KIAA1328: variants seen among roughly 807,000 people sequenced by gnomAD.
The protein encoded by KIAA1328 is protein hinderin.
A neutral mutation model predicts 68.1 loss-of-function variants in KIAA1328; 52 were observed. That is an observed-to-expected ratio of 0.76 (90% CI 0.61 to 0.96). KIAA1328 has a LOEUF of 0.96. Ranked by LOEUF, KIAA1328 falls within the 40% of genes least tolerant of loss-of-function variation. The probability of loss-of-function intolerance (pLI) is 0.00; values close to 1 mark genes in which losing one functional copy is unlikely to be tolerated. For synonymous variants in KIAA1328, 232 were observed against 239.4 expected (o/e 0.97, Z 0.28); for missense variants, 641 against 677.6 (o/e 0.95, Z 0.60).
intron 5 of KIAA1328, among the ~76,000 whole-genome samples, chr18:36,918,065 T>G (rs1035383199): frequency 6.6e-6 from 1 of 152,090 alleles, no homozygotes; most frequent in Non-Finnish European, 1.5e-5. Flanking sequence ...GTGAGACGAC[T>G]TCATCATTAC....
chr18:37,064,178 G>A (rs2056257684), intron 6 of KIAA1328, among the ~76,000 whole-genome samples: 1 of 152,154 alleles, frequency 6.6e-6, no homozygotes, highest in African/African-American at 2.4e-5. Context: ...TCTGTTTGCT[G>A]TACAGGATTG....
rs529780372 is a variant in KIAA1328, at chr18:36,994,842, T to C, written c.576+35407T>C. 3.0e-4 allele frequency among the ~76,000 whole-genome samples: 46 copies of C among 152,320 alleles called. No individual in the cohort carries two copies. In the South Asian group the frequency reaches 9.3e-3, roughly 31 times the overall value. ...GCCTCTACTCTCATTTCTGGTAATA[T>C]CCAGTGTTTCCAATTCCTGAGCCAA... On this transcript the variant is annotated intron_variant, in intron 6 of 9. Coordinates refer to ENST00000280020, the MANE Select transcript of KIAA1328 (RefSeq NM_020776.3).
rs115542717 is a variant in KIAA1328, at chr18:37,111,983, C to T, written c.1232+44438C>T. 5.9e-3 allele frequency among the ~76,000 whole-genome samples: 895 copies of T among 152,254 alleles called. 10 individuals carry two copies. Among genetic ancestry groups the T allele is most frequent in the African/African-American group, 0.02 (828 of 41,566 alleles). On this transcript the variant is annotated intron_variant, in intron 7 of 9. Coordinates refer to ENST00000280020, the MANE Select transcript of KIAA1328 (RefSeq NM_020776.3). The stretch of plus-strand genomic sequence containing the variant: ...GCAGTGAGGTGGGTGGAGGGACGTC[C>T]GCCATTGCTAAGGCTTGAGTAGGTA...
In KIAA1328 at chr18:37,066,947, T is replaced by C. The variant is rs749655575; in HGVS notation, c.634T>C (p.Leu212=). 5 of 1,611,254 alleles carry C rather than the reference T, an allele frequency of 3.1e-6. No homozygotes were observed. The highest frequency in any genetic ancestry group is 2.2e-5 in the East Asian group (1 of 44,830). The stretch of plus-strand genomic sequence containing the variant: ...ATCTGTGGAACTGGATGGTTCCTAC[T>C]TGAGCATAGCCAGACCACAGACCTA... ...CSSVELDGSY[L]SIARPQTYYQ... Residue 212 remains leucine (L), a synonymous_variant, in exon 7 of 10, where the codon TTG becomes CTG. Coordinates refer to ENST00000280020, the MANE Select transcript of KIAA1328 (RefSeq NM_020776.3).
intron 7 of KIAA1328, among the ~76,000 whole-genome samples, chr18:37,094,682 AC>A (rs1166108285): frequency 1.8e-4 from 28 of 152,364 alleles, no homozygotes; most frequent in African/African-American, 6.0e-4. Context: ...GATATACAAA[AC>A]AACCAGAAAA....
At chr18:36,930,575 T>A (rs1051885091) in intron 5 of KIAA1328, among the ~76,000 whole-genome samples, 1 of 152,130 alleles carries the variant, frequency 6.6e-6, no homozygotes, top group Non-Finnish European at 1.5e-5. Flanking sequence ...GTTTTAAAAA[T>A]AATGGTAGCA....
intron 3 of KIAA1328, 32 bp downstream of exon 3, chr18:36,835,408 G>C: frequency 6.3e-7 from 1 of 1,595,352 alleles, no homozygotes; most frequent in Non-Finnish European, 8.5e-7. Context: ...TTTTTTCCTT[G>C]CTCTCCAGTC....
chr18:37,087,291 C>T (rs1166834497), intron 7 of KIAA1328, among the ~76,000 whole-genome samples: 1 of 152,082 alleles, frequency 6.6e-6, no homozygotes, highest in African/African-American at 2.4e-5. Context: ...AACTCCTGGG[C>T]TCAAGTAATC....
chr18:37,075,029 G>A (rs1477156484), intron 7 of KIAA1328: 27 of 151,466 alleles, frequency 1.8e-4, no homozygotes, highest in African/African-American at 5.8e-4. Context: ...ACACATAATT[G>A]TCAGATTCAC....
intron 6 of KIAA1328, among the ~76,000 whole-genome samples, chr18:36,988,978 T>A (rs72888987): frequency 0.017 from 2,562 of 152,316 alleles, 33 homozygotes; most frequent in Non-Finnish European, 0.027. Flanking sequence ...TAGCATGCAG[T>A]AAATGCTTTA....
intron 4 of KIAA1328, among the ~76,000 whole-genome samples, chr18:36,856,072 T>C (rs2047374073): frequency 1.3e-5 from 2 of 152,142 alleles, no homozygotes; most frequent in Non-Finnish European, 2.9e-5. Flanking sequence ...AGATTCCTTG[T>C]GTATGACGAA....
At chr18:37,150,040 A>G (rs1199943845) in intron 7 of KIAA1328, among the ~76,000 whole-genome samples, 1 of 152,206 alleles carries the variant, frequency 6.6e-6, no homozygotes, top group East Asian at 1.9e-4. Context: ...AGTCAATAAT[A>G]TACCAAGATT....
At chr18:37,009,454 T>G (rs901658943) in intron 6 of KIAA1328, among the ~76,000 whole-genome samples, 9 of 152,272 alleles carry the variant, frequency 5.9e-5, no homozygotes, top group African/African-American at 2.2e-4. Flanking sequence ...TTTTGTCTTT[T>G]GTCCATTCTC....
intron 7 of KIAA1328, among the ~76,000 whole-genome samples, chr18:37,069,786 T>G (rs2056464795): frequency 6.6e-6 from 1 of 152,166 alleles, no homozygotes; most frequent in Non-Finnish European, 1.5e-5. Flanking sequence ...GGGTTTTTGT[T>G]TCATTTAGTT....
intron 8 of KIAA1328, among the ~76,000 whole-genome samples, chr18:37,167,467 G>A (rs2059413212): frequency 1.3e-5 from 2 of 152,168 alleles, no homozygotes; most frequent in African/African-American, 4.8e-5. Flanking sequence ...AAGGGGGATG[G>A]AGTGGGAAGG....
intron 8 of KIAA1328, among the ~76,000 whole-genome samples, chr18:37,170,736 C>T (rs2059484163): frequency 6.6e-6 from 1 of 152,202 alleles, no homozygotes; most frequent in Non-Finnish European, 1.5e-5. Flanking sequence ...GACATAGATA[C>T]TAGCTCCATC....
At chr18:37,091,421 G>A (rs543588071) in intron 7 of KIAA1328, among the ~76,000 whole-genome samples, 8 of 152,306 alleles carry the variant, frequency 5.3e-5, no homozygotes, top group African/African-American at 1.7e-4. Context: ...TAGGGAAAGA[G>A]TTAGCAAGTG....
At chr18:37,204,392 C>T (rs1017141442) in intron 9 of KIAA1328, among the ~76,000 whole-genome samples, 3 of 152,154 alleles carry the variant, frequency 2.0e-5, no homozygotes, top group Non-Finnish European at 2.9e-5. Flanking sequence ...TATGAATGCT[C>T]ATTTATTTAT....
intron 9 of KIAA1328, among the ~76,000 whole-genome samples, chr18:37,174,970 C>T (rs530894699): frequency 1.4e-4 from 21 of 152,238 alleles, no homozygotes; most frequent in Admixed American, 7.2e-4. Context: ...CATGCCCAGC[C>T]GCTTTCTTTT....
Sources: gnomAD v4.1 joint callset for allele counts (sites outside exome capture counted in the v4.1 genomes callset) on GRCh38, gnomAD v4.1.1 for gene constraint, MANE v1.5 for transcripts, NCBI Gene and HGNC (gene_info 2026-07-23, HGNC 2026-07-21) for gene names.